The following C2CD2 variants were observed in gnomAD, a reference collection of about 807,000 sequenced individuals.
C2CD2 encodes the protein C2 calcium dependent domain containing 2.
A neutral mutation model predicts 74.3 loss-of-function variants in C2CD2; 43 were observed. The ratio of observed to expected loss-of-function variants is 0.58; its 90% CI spans 0.45 to 0.75. The LOEUF is 0.75. Ranked by LOEUF, C2CD2 falls within the 30% of genes least tolerant of loss-of-function variation. The probability of loss-of-function intolerance (pLI) is 0.00; values close to 1 mark genes in which losing one functional copy is unlikely to be tolerated. For synonymous variants in C2CD2, 422 were observed against 390.7 expected, an observed-to-expected ratio of 1.08 and a Z score of -0.94; for missense variants, 801 against 916.3, an observed-to-expected ratio of 0.87 and a Z score of 1.63.
rs940754630 is a variant in C2CD2 at position 41,924,052 on chromosome 21, A to G, written c.379-1967T>C. 3.3e-5 allele frequency among the ~76,000 whole-genome samples: 5 copies of G among 152,154 alleles called. No homozygotes were observed. The highest frequency in any genetic ancestry group is 1.2e-4 in the African/African-American group (5 of 41,422). ...CTCCTCATTCCCAAAAGAACCACTG[A>G]CTCCACTGCAGGGAGTCACAGGACA... On this transcript the variant is annotated intron_variant, in intron 2 of 13. Coordinates refer to ENST00000380486, the MANE Select transcript of C2CD2 (RefSeq NM_015500.2). This position sits in a 1 kb window ranked among gnomAD's most constrained non-coding sequence, Gnocchi z 4.4.
chr21:41,939,457 G>A lies in C2CD2; in HGVS notation c.378+2690C>T, dbSNP rs1227225269. 6.6e-6 allele frequency among the ~76,000 whole-genome samples: 1 copy of A among 152,158 alleles called. No individual in the cohort carries two copies. Among genetic ancestry groups the A allele is most frequent in the Non-Finnish European group, 1.5e-5 (1 of 68,028 alleles). On this transcript the variant is annotated intron_variant, in intron 2 of 13. Transcript: ENST00000380486. This position sits in a 1 kb window ranked among gnomAD's most constrained non-coding sequence, Gnocchi z 5.5. The stretch of plus-strand genomic sequence containing the variant: ...CATACAGAAACCACCCAGCCACAAA[G>A]GGATGAAGTCTCTATTTGCCACAAA...
rs762103568 is a variant in C2CD2, at chr21:41,907,832, C to A, written c.1019-48G>T. 4.3e-6 allele frequency: 7 copies of A among 1,611,894 alleles called. No individual in the cohort carries two copies. In the African/African-American group the frequency reaches 9.3e-5, roughly 22 times the overall value. On this transcript the variant is annotated intron_variant, in intron 8 of 13. Transcript: ENST00000380486. ...AGGGGTGCCGCTGATGTTTCCCGGG[C>A]TTCCGTGAGGACGGAAAGGCCCACA...
intron 2 of C2CD2, among the ~76,000 whole-genome samples, chr21:41,935,541 T>C (rs2146218014): frequency 6.6e-6 from 1 of 152,238 alleles, no homozygotes; most frequent in East Asian, 1.9e-4. Context: ...CGTCTGTGCT[T>C]GCTGAAGCCT....
intron 1 of C2CD2, among the ~76,000 whole-genome samples, chr21:41,949,015 G>A (rs1023000222): frequency 1.4e-4 from 22 of 151,816 alleles, no homozygotes; most frequent in Admixed American, 2.6e-4. Flanking sequence ...CTCCTAGTCC[G>A]GGGCCTCATC....
chr21:41,936,783 T>C (rs2065310719), intron 2 of C2CD2, among the ~76,000 whole-genome samples: 1 of 151,102 alleles, frequency 6.6e-6, no homozygotes, highest in Non-Finnish European at 1.5e-5. Context: ...GAATGGTAAA[T>C]AGATTTTTTT....
At chr21:41,943,042 G>A (rs1017283749) in intron 1 of C2CD2, 81 of 590,664 alleles carry the variant, frequency 1.4e-4, no homozygotes, top group Non-Finnish European at 1.6e-4. Context: ...GGCTCACACC[G>A]GTAATCCCAG....
intron 1 of C2CD2, among the ~76,000 whole-genome samples, chr21:41,944,519 C>CT (rs2065382149): frequency 7.8e-5 from 2 of 25,538 alleles, no homozygotes; most frequent in South Asian, 2.4e-3. Flanking sequence ...GAGACTCTGC[C>CT]TCAAAAAAAA....
intron 13 of C2CD2, among the ~76,000 whole-genome samples, chr21:41,893,859 G>A (rs2064788793): frequency 6.6e-6 from 1 of 152,000 alleles, no homozygotes; most frequent in African/African-American, 2.4e-5. Flanking sequence ...ACATCACCAT[G>A]CCTCGATAAT....
In C2CD2 at chr21:41,926,596, A is replaced by C. The variant is rs140466968; in HGVS notation, c.379-4511T>G. On this transcript the variant is annotated intron_variant, in intron 2 of 13. Coordinates refer to ENST00000380486, the MANE Select transcript of C2CD2 (RefSeq NM_015500.2). This position sits in a 1 kb window ranked among gnomAD's most constrained non-coding sequence, Gnocchi z 8.0. ...CCTATGCAAACAGCGCTTATCTGGA[A>C]ACTATTCCTTTGTTTAGACTTGGGG... is the stretch of plus-strand genomic sequence containing the variant. 5.0e-4 allele frequency: 486 copies of C among 980,832 alleles called. 2 individuals carry two copies. In the African/African-American group the frequency reaches 6.3e-3, roughly 13 times the overall value. 60.8% of individuals were successfully genotyped at this position (980,832 alleles called of 1,614,324 possible).
Position 41,935,632 on chromosome 21 carries a change from C to T in C2CD2, c.378+6515G>A, listed in dbSNP as rs142229722. On this transcript the variant is annotated intron_variant, in intron 2 of 13. Transcript: ENST00000380486. ...CTGTAATCCCAGCACTTTGGGAGGC[C>T]GAGGTGGGTGGATCAAGTGGATCAG... 8.5e-5 allele frequency among the ~76,000 whole-genome samples: 13 copies of T among 152,068 alleles called. No homozygotes were observed. In the South Asian group the frequency reaches 1.7e-3, roughly 19 times the overall value.
chr21:41,942,222 C>T lies in C2CD2; in HGVS notation c.303G>A (p.Glu101=), dbSNP rs2065360755. The T allele has an allele frequency of 6.5e-7, 1 of 1,549,776 alleles. No homozygotes were observed. The highest frequency in any genetic ancestry group is 2.4e-5 in the East Asian group (1 of 40,920). ...RKGGPPFLSF[E]EDPRQQALEL... is the part of the protein sequence containing the mutation. The stretch of plus-strand genomic sequence containing the variant: ...CCAGTGCCTGCTGCCGCGGGTCCTC[C>T]TCAAAGGACAGGAAAGGTGGGCCCT... Residue 101 remains glutamate, a synonymous_variant, in exon 2 of 14, where the codon GAG becomes GAA. Coordinates refer to ENST00000380486, the MANE Select transcript of C2CD2 (RefSeq NM_015500.2).
chr21:41,937,255 T>G (rs2065316709), intron 2 of C2CD2, among the ~76,000 whole-genome samples: 1 of 152,072 alleles, frequency 6.6e-6, no homozygotes, highest in African/African-American at 2.4e-5. Flanking sequence ...TAGCTGGGAT[T>G]ACAGGCACCC....
intron 2 of C2CD2, among the ~76,000 whole-genome samples, chr21:41,928,544 CAAAAAAAAAAA>C (rs59346777): frequency 6.9e-5 from 5 of 72,258 alleles, no homozygotes; most frequent in East Asian, 1.0e-3. Context: ...TAAAGCAAAG[CAAAAAAAAAAA>C]AAAAAAAAAA....
intron 12 of C2CD2, among the ~76,000 whole-genome samples, chr21:41,900,770 A>G (rs1483066504): frequency 1.3e-5 from 2 of 151,158 alleles, no homozygotes; most frequent in Non-Finnish European, 2.9e-5. Context: ...AATCTTCCCA[A>G]CTCTCCCTCC....
intron 13 of C2CD2, among the ~76,000 whole-genome samples, chr21:41,894,058 G>A (rs191306444): frequency 6.6e-5 from 10 of 152,302 alleles, no homozygotes; most frequent in Admixed American, 6.5e-4. Flanking sequence ...GGTCATATGT[G>A]CCCGTGTGCA....
At chr21:41,936,411 A>G (rs530238431) in intron 2 of C2CD2, among the ~76,000 whole-genome samples, 25 of 152,354 alleles carry the variant, frequency 1.6e-4, no homozygotes, top group South Asian at 1.2e-3. Flanking sequence ...AACCTGTGAG[A>G]ATGGCTATTA....
At position 41,899,865 on chromosome 21, in the gene C2CD2, C is replaced by T. The variant is rs4920117; in HGVS notation, c.1561-503G>A. Among the ~76,000 whole-genome samples, 23,994 of 145,660 alleles carry T rather than the reference C, an allele frequency of 0.16. 2,070 individuals are homozygous for T. Among genetic ancestry groups the T allele is most frequent in the Middle Eastern group, 0.34 (96 of 284 alleles). ...AAGCACTAAATGAACCTCTGAGAGT[C>T]GGGATAGCGCTTCCTTGGAGGGGGG... is the stretch of plus-strand genomic sequence containing the variant. On this transcript the variant is annotated intron_variant, in intron 12 of 13. Transcript: ENST00000380486. This position sits in a 1 kb window ranked among gnomAD's most constrained non-coding sequence, Gnocchi z 4.4.
Position 41,888,825 on chromosome 21 carries a change from A to G in C2CD2, c.*299T>C, listed in dbSNP as rs2064712831. 12 of 440,044 alleles carry G rather than the reference A, an allele frequency of 2.7e-5. No individual in the cohort carries two copies. The highest frequency in any genetic ancestry group is 5.0e-5 in the Non-Finnish European group (12 of 239,548). 27.3% of individuals were successfully genotyped at this position (440,044 alleles called of 1,614,324 possible). A position where few individuals can be genotyped will look rare whatever the true frequency, so the allele number is the denominator to read the frequency against. ...TATTAGAGCATATTATTTCACTTATAATGTTAATCTCCTTCTAATATTGAA... is the reference window on the plus strand; with the variant it reads ...TATTAGAGCATATTATTTCACTTATGATGTTAATCTCCTTCTAATATTGAA... On this transcript the variant is annotated 3_prime_UTR_variant, in exon 14 of 14. Transcript: ENST00000380486.
chr21:41,894,926 T>C (rs1302475472), intron 13 of C2CD2: 5 of 456,596 alleles, frequency 1.1e-5, no homozygotes, highest in Non-Finnish European at 1.3e-5. Context: ...CCATATGGAA[T>C]GTACCGGTCT....
Sources: gnomAD v4.1 joint callset for allele counts (sites outside exome capture counted in the v4.1 genomes callset) on GRCh38, gnomAD v4.1.1 for gene constraint, Gnocchi (gnomAD v3.1) non-coding constraint, MANE v1.5 for transcripts, NCBI Gene and HGNC (gene_info 2026-07-23, HGNC 2026-07-21) for gene names.